The following TP63 variants were observed in gnomAD, a reference collection of about 807,000 sequenced individuals.
TP63 encodes tumor protein p63, also known as tumor protein 63.
TP63 carries 17 observed loss-of-function variants against 82.8 expected under a neutral mutation model. The ratio of observed to expected loss-of-function variants is 0.21; its 90% CI spans 0.14 to 0.31. The LOEUF (loss-of-function observed/expected upper bound fraction) is 0.31. Ranked by LOEUF, TP63 falls within the 10% of genes least tolerant of loss-of-function variation. The probability of loss-of-function intolerance (pLI) is 1.00; values close to 1 mark genes in which losing one functional copy is unlikely to be tolerated. For synonymous variants in TP63, 330 were observed against 321.7 expected, an observed-to-expected ratio of 1.03 and a Z score of -0.28; for missense variants, 648 against 895.3, an observed-to-expected ratio of 0.72 and a Z score of 3.52.
At chr3:189,798,565 T>C (rs1430046584) in intron 3 of TP63, among the ~76,000 whole-genome samples, 3 of 152,110 alleles carry the variant, frequency 2.0e-5, no homozygotes, top group Non-Finnish European at 4.4e-5. Flanking sequence ...TTTACCTGTG[T>C]CTGCACTGTT....
chr3:189,745,427 G>C (rs957941797), intron 3 of TP63, among the ~76,000 whole-genome samples: 6 of 152,098 alleles, frequency 3.9e-5, no homozygotes, highest in Admixed American at 1.3e-4. Context: ...GAACCAAACA[G>C]GCTGGGCATG....
chr3:189,700,683 A>G (rs1415538337), intron 1 of TP63, among the ~76,000 whole-genome samples: 1 of 152,150 alleles, frequency 6.6e-6, no homozygotes, highest in Non-Finnish European at 1.5e-5. Context: ...GGCGGGGTAA[A>G]CTTTCCATTT....
Position 189,808,494 on chromosome 3 carries a change from C to A in TP63, c.547C>A (p.Gln183Lys). The change falls in exon 4 of 14, where the codon CAG (glutamine) becomes AAG (lysine). Residue 183 changes from glutamine to lysine, a missense_variant. Coordinates refer to ENST00000264731, the MANE Select transcript of TP63 (RefSeq NM_003722.5). ...GCACAGTTTCGACGTGTCCTTCCAG[C>A]AGTCGAGCACCGCCAAGTCGGCCAC... ...GPHSFDVSFQ[Q>K]SSTAKSATWT... 3.1e-6 allele frequency: 5 copies of A among 1,614,184 alleles called. No homozygotes were observed. Among genetic ancestry groups the A allele is most frequent in the Non-Finnish European group, 4.2e-6 (5 of 1,180,050 alleles).
intron 9 of TP63, among the ~76,000 whole-genome samples, chr3:189,869,717 G>GTTT (rs751802317): frequency 1.4e-3 from 192 of 136,734 alleles, no homozygotes; most frequent in Middle Eastern, 3.9e-3. Flanking sequence ...TCTCTAGGGT[G>GTTT]TTTTTTTTTT....
intron 3 of TP63, among the ~76,000 whole-genome samples, chr3:189,807,086 T>TC (rs1726995098): frequency 6.6e-6 from 1 of 152,202 alleles, no homozygotes; most frequent in Non-Finnish European, 1.5e-5. Context: ...GATTTTTTTT[T>TC]CTCATTCATT....
intron 2 of TP63, 100 bp downstream of exon 2, chr3:189,737,968 T>A: frequency 1.4e-6 from 2 of 1,449,404 alleles, no homozygotes; most frequent in Non-Finnish European, 1.9e-6. Context: ...CTAGAATCAG[T>A]AGAAGTTATT....
intron 1 of TP63, among the ~76,000 whole-genome samples, chr3:189,682,521 A>C (rs1395116249): frequency 7.8e-6 from 1 of 127,814 alleles, no homozygotes; most frequent in Admixed American, 8.4e-5. Context: ...CATTCCTGGG[A>C]CTTGGTCCTA....
At chr3:189,779,026 C>G (rs1384418112) in intron 3 of TP63, among the ~76,000 whole-genome samples, 3 of 152,064 alleles carry the variant, frequency 2.0e-5, no homozygotes, top group Non-Finnish European at 4.4e-5. Flanking sequence ...TGAAGCCTGA[C>G]TTTGCTATGC....
the TP63 span, among the ~76,000 whole-genome samples, chr3:189,624,178 G>C: frequency 9.9e-5 from 15 of 152,166 alleles, no homozygotes; most frequent in Non-Finnish European, 1.6e-4. Context: ...TTAATGCCAT[G>C]TACCATATTA....
intron 3 of TP63, among the ~76,000 whole-genome samples, chr3:189,770,401 C>A (rs1723250708): frequency 6.6e-6 from 1 of 151,956 alleles, no homozygotes; most frequent in Admixed American, 6.6e-5. Flanking sequence ...CCCGTCTCTA[C>A]TAAAAATACA....
chr3:189,736,478 G>C (rs1051871848), intron 1 of TP63, among the ~76,000 whole-genome samples: 1 of 152,068 alleles, frequency 6.6e-6, no homozygotes, highest in East Asian at 1.9e-4. Flanking sequence ...CTCTTTCCTT[G>C]ATTCTTCAAA....
At chr3:189,770,180 C>T (rs1723231898) in intron 3 of TP63, among the ~76,000 whole-genome samples, 1 of 152,196 alleles carries the variant, frequency 6.6e-6, no homozygotes, top group Admixed American at 6.5e-5. Context: ...TTGCCTTGAT[C>T]TAAGTTTTGA....
chr3:189,832,951 G>A (rs1454926228), intron 4 of TP63, among the ~76,000 whole-genome samples: 1 of 152,168 alleles, frequency 6.6e-6, no homozygotes, highest in Admixed American at 6.5e-5. Flanking sequence ...CTATTTGACA[G>A]CTCTCATTTT....
intron 1 of TP63, among the ~76,000 whole-genome samples, chr3:189,705,295 A>T (rs1718115728): frequency 6.6e-6 from 1 of 152,202 alleles, no homozygotes; most frequent in Admixed American, 6.5e-5. Flanking sequence ...TAAAATGGGG[A>T]TAGTAATAGG....
chr3:189,673,466 CTG>C (rs902034069), intron 1 of TP63, among the ~76,000 whole-genome samples: 3 of 152,034 alleles, frequency 2.0e-5, no homozygotes, highest in Non-Finnish European at 4.4e-5. Context: ...AACAAAAAAA[CTG>C]TAAAAATTAC....
intron 4 of TP63, among the ~76,000 whole-genome samples, chr3:189,809,669 A>G (rs1490040176): frequency 6.6e-6 from 1 of 152,208 alleles, no homozygotes; most frequent in East Asian, 1.9e-4. Context: ...TTTGGAAAGC[A>G]TTTCTATGTT....
At chr3:189,628,571 C>G (rs1729369119), upstream of TP63, among the ~76,000 whole-genome samples, 1 of 152,062 alleles carries the variant, frequency 6.6e-6, no homozygotes. Context: ...AAAGTCTTCA[C>G]AAACATCATT....
At chr3:189,828,195 C>T (rs558298614) in intron 4 of TP63, among the ~76,000 whole-genome samples, 5 of 151,018 alleles carry the variant, frequency 3.3e-5, no homozygotes, top group East Asian at 2.0e-4. Context: ...GAGCTGAGAT[C>T]GTGCCGCTGT....
intron 1 of TP63, among the ~76,000 whole-genome samples, chr3:189,703,456 A>ATAGATAGATAGATAGATAGATAGG (rs1717971016): frequency 6.6e-6 from 1 of 152,078 alleles, no homozygotes; most frequent in Admixed American, 6.6e-5. Context: ...AGATAGATAG[A>ATAGATAGATAGATAGATAGATAGG]TAGATAGATA....
Sources: gnomAD v4.1 joint callset for allele counts (sites outside exome capture counted in the v4.1 genomes callset) on GRCh38, gnomAD v4.1.1 for gene constraint, MANE v1.5 for transcripts, NCBI Gene and HGNC (gene_info 2026-07-23, HGNC 2026-07-21) for gene names.